RAD51B: variants seen among roughly 807,000 people sequenced by gnomAD.
RAD51B encodes RAD51 paralog B.
RAD51B carries 38 observed loss-of-function variants against 42.2 expected under a neutral mutation model. The ratio of observed to expected loss-of-function variants is 0.90; its 90% CI spans 0.70 to 1.18. The LOEUF is 1.18. RAD51B is among the 50% of genes most tolerant of loss of function. The pLI, the probability that RAD51B is intolerant of heterozygous loss-of-function variation, is 0.00. For missense variants in RAD51B, 373 were observed against 400.7 expected (o/e 0.93, Z 0.59); for synonymous variants, 154 against 145.2 (o/e 1.06, Z -0.43).
intron 10 of RAD51B, among the ~76,000 whole-genome samples, chr14:68,629,480 T>A (rs963076675): frequency 1.3e-5 from 2 of 152,170 alleles, no homozygotes; most frequent in African/African-American, 2.4e-5. Flanking sequence ...CTGAAAAGTG[T>A]GTGCTTGGTC....
intron 7 of RAD51B, among the ~76,000 whole-genome samples, chr14:68,001,845 G>A (rs1449427558): frequency 6.6e-6 from 1 of 152,144 alleles, no homozygotes; most frequent in East Asian, 1.9e-4. Flanking sequence ...ATGGCCTCCA[G>A]TTCCATCCGT....
intron 7 of RAD51B, among the ~76,000 whole-genome samples, chr14:68,108,677 C>T (rs991728028): frequency 6.6e-6 from 1 of 151,760 alleles, no homozygotes; most frequent in Non-Finnish European, 1.5e-5. Context: ...TGAAAATGTT[C>T]TGGAATTAGA....
intron 4 of RAD51B, among the ~76,000 whole-genome samples, chr14:67,863,798 G>A (rs778538915): frequency 3.9e-5 from 6 of 152,138 alleles, no homozygotes; most frequent in East Asian, 1.9e-4. Flanking sequence ...GTTAACTACT[G>A]TATTAGTTCA....
chr14:68,190,280 G>GTA (rs1311524093), intron 7 of RAD51B, among the ~76,000 whole-genome samples: 2 of 152,096 alleles, frequency 1.3e-5, no homozygotes, highest in African/African-American at 2.4e-5. Context: ...CTACTTAAAA[G>GTA]GCTGGTCCAG....
chr14:68,634,482 C>T (rs1034856064), intron 10 of RAD51B, among the ~76,000 whole-genome samples: 2 of 152,120 alleles, frequency 1.3e-5, no homozygotes, highest in African/African-American at 2.4e-5. Flanking sequence ...AAAAGCCCGT[C>T]GCCTTTGCCT....
chr14:68,661,332 G>A (rs1284542533), intron 11 of RAD51B, among the ~76,000 whole-genome samples: 1 of 152,206 alleles, frequency 6.6e-6, no homozygotes, highest in Non-Finnish European at 1.5e-5. Flanking sequence ...TAAGCCTCCT[G>A]AGGGCAGGAA....
chr14:67,931,168 G>A (rs1206594688), intron 7 of RAD51B, among the ~76,000 whole-genome samples: 1 of 152,134 alleles, frequency 6.6e-6, no homozygotes, highest in Non-Finnish European at 1.5e-5. Context: ...TGATCCGCCT[G>A]CCTTGGCCTC....
At chr14:68,033,817 G>T (rs1208490904) in intron 7 of RAD51B, among the ~76,000 whole-genome samples, 1 of 152,146 alleles carries the variant, frequency 6.6e-6, no homozygotes, top group African/African-American at 2.4e-5. Context: ...AATCATCCCA[G>T]ACAGGGATGA....
intron 8 of RAD51B, among the ~76,000 whole-genome samples, chr14:68,363,002 T>G (rs1421308501): frequency 6.6e-6 from 1 of 152,216 alleles, no homozygotes; most frequent in East Asian, 1.9e-4. Context: ...GAGGGCAACC[T>G]AGAGACATTT....
At chr14:68,266,292 G>A (rs1172971857) in intron 7 of RAD51B, among the ~76,000 whole-genome samples, 1 of 152,188 alleles carries the variant, frequency 6.6e-6, no homozygotes, top group African/African-American at 2.4e-5. Context: ...AAGACCCAGG[G>A]AAAACTGTGT....
At chr14:67,975,577 G>A (rs1166136658) in intron 7 of RAD51B, among the ~76,000 whole-genome samples, 1 of 152,184 alleles carries the variant, frequency 6.6e-6, no homozygotes, top group African/African-American at 2.4e-5. Flanking sequence ...TCTTGAACCC[G>A]AGTAGTCTGA....
chr14:68,678,169 C>G (rs562132056), intron 11 of RAD51B, among the ~76,000 whole-genome samples: 5 of 152,198 alleles, frequency 3.3e-5, no homozygotes, highest in Admixed American at 6.5e-5. Flanking sequence ...TGAACCACCA[C>G]GTTCTTAACC....
At chr14:67,883,969 G>A (rs191083409) in intron 5 of RAD51B, among the ~76,000 whole-genome samples, 10 of 152,282 alleles carry the variant, frequency 6.6e-5, no homozygotes, top group Non-Finnish European at 1.5e-5. Flanking sequence ...ATGTCTGGGA[G>A]CAAATGATAG....
intron 8 of RAD51B, among the ~76,000 whole-genome samples, chr14:68,392,911 C>T (rs1469582213): frequency 6.6e-5 from 10 of 152,184 alleles, no homozygotes. Flanking sequence ...AACAGCTTTA[C>T]AAGCTGACAT....
intron 7 of RAD51B, among the ~76,000 whole-genome samples, chr14:68,099,406 A>G (rs543381027): frequency 3.3e-5 from 5 of 152,358 alleles, no homozygotes; most frequent in South Asian, 2.1e-4. Context: ...CTTCCAACCC[A>G]GCCTATGACC....
Position 68,563,576 on chromosome 14 carries a change from C to A in RAD51B, c.1037-30909C>A, listed in dbSNP as rs1889263916. 6 of 985,438 alleles carry A rather than the reference C, an allele frequency of 6.1e-6. No individual in the cohort carries two copies. The African/African-American group carries it at 1.0e-4, about 17-fold the overall frequency. The allele number at this position is 985,438 out of a possible 1,614,324, so 61.0% of individuals were successfully genotyped here. ...TTAGAACCAGCCATTTCTTGTGTGC[C>A]TTCAAGCACCTTCTGTGGTTTCCTG... is the stretch of plus-strand genomic sequence containing the variant. On this transcript the variant is annotated intron_variant, in intron 10 of 10. Coordinates refer to the RAD51B transcript ENST00000487270.
chr14:68,044,297 A>G (rs1172313267), intron 7 of RAD51B, among the ~76,000 whole-genome samples: 1 of 152,250 alleles, frequency 6.6e-6, no homozygotes, highest in Non-Finnish European at 1.5e-5. Context: ...TCTATAAATC[A>G]GTGTAAGGAG....
chr14:68,512,098 G>A (rs1166795252), intron 10 of RAD51B, among the ~76,000 whole-genome samples: 1 of 152,340 alleles, frequency 6.6e-6, no homozygotes, highest in African/African-American at 2.4e-5. Context: ...TTTGGGAAAC[G>A]CCTGCCCTCT....
At chr14:68,419,040 A>G (rs1310758625) in intron 9 of RAD51B, among the ~76,000 whole-genome samples, 2 of 152,226 alleles carry the variant, frequency 1.3e-5, no homozygotes, top group Admixed American at 1.3e-4. Context: ...TGAAGATCCC[A>G]GGCCCCATCC....
Sources: allele counts gnomAD v4.1 joint callset (sites outside exome capture counted in the v4.1 genomes callset), GRCh38; gene constraint gnomAD v4.1.1; transcripts MANE v1.5; gene names NCBI Gene and HGNC (gene_info 2026-07-23, HGNC 2026-07-21).